SNX10: variants seen among roughly 807,000 people sequenced by gnomAD.
SNX10 encodes the protein sorting nexin 10, also known as sorting nexin-10.
In SNX10, 25 loss-of-function variants were observed where a neutral mutation model predicts 28.5. That is an observed-to-expected ratio of 0.88 (90% CI 0.64 to 1.22). The LOEUF (loss-of-function observed/expected upper bound fraction) is 1.22. Ranked by LOEUF, SNX10 falls within the 50% of genes most tolerant of loss-of-function variation. The pLI is 0.00. For synonymous variants in SNX10, 62 were observed against 81.4 expected (o/e 0.76, Z 1.28); for missense variants, 223 against 242.6 (o/e 0.92, Z 0.54).
chr7:26,365,592 T>C (rs1206878917), intron 5 of SNX10, among the ~76,000 whole-genome samples: 1 of 152,178 alleles, frequency 6.6e-6, no homozygotes, highest in African/African-American at 2.4e-5. Context: ...TTAACGCTGA[T>C]CTTTGAAGGG....
At chr7:26,323,905 C>CGAA (rs1433827169) in intron 1 of SNX10, among the ~76,000 whole-genome samples, 5 of 152,192 alleles carry the variant, frequency 3.3e-5, no homozygotes, top group Admixed American at 6.5e-5. Flanking sequence ...ATCAGTGCTC[C>CGAA]GTAAATAAGG....
chr7:26,332,817 T>G (rs1423010705), intron 1 of SNX10, among the ~76,000 whole-genome samples: 1 of 152,236 alleles, frequency 6.6e-6, no homozygotes, highest in Non-Finnish European at 1.5e-5. Flanking sequence ...GCACCATTTG[T>G]TGAAAGGATG....
intron 1 of SNX10, among the ~76,000 whole-genome samples, chr7:26,341,740 C>T (rs889262649): frequency 5.9e-5 from 9 of 152,156 alleles, no homozygotes; most frequent in African/African-American, 2.2e-4. Context: ...CTGCTTCAGC[C>T]TCCCAAAGTG....
intron 1 of SNX10, among the ~76,000 whole-genome samples, chr7:26,301,249 G>A (rs1379516145): frequency 6.6e-6 from 1 of 152,122 alleles, no homozygotes; most frequent in Non-Finnish European, 1.5e-5. Flanking sequence ...ATAGTTAAAT[G>A]TGTATATTCT....
chr7:26,354,850 A>G (rs1258429218), intron 2 of SNX10, among the ~76,000 whole-genome samples: 1 of 151,678 alleles, frequency 6.6e-6, no homozygotes, highest in Non-Finnish European at 1.5e-5. Context: ...CTTTTTCCTT[A>G]TGTGGATTGC....
intron 2 of SNX10, among the ~76,000 whole-genome samples, chr7:26,351,214 G>A (rs1788582232): frequency 6.6e-6 from 1 of 152,182 alleles, no homozygotes; most frequent in Non-Finnish European, 1.5e-5. Flanking sequence ...GAAAGAATTA[G>A]TAAACATAAA....
At chr7:26,357,654 C>T (rs1198304337) in intron 2 of SNX10, among the ~76,000 whole-genome samples, 1 of 152,098 alleles carries the variant, frequency 6.6e-6, no homozygotes, top group Non-Finnish European at 1.5e-5. Context: ...TAATGTTGGG[C>T]AAGAGGTCCT....
chr7:26,371,056 T>G (rs926718694), intron 5 of SNX10, among the ~76,000 whole-genome samples: 2 of 152,188 alleles, frequency 1.3e-5, no homozygotes, highest in East Asian at 1.9e-4. Context: ...GGATAGTTTT[T>G]AATCTTCCAT....
chr7:26,369,333 ATAT>A (rs963853823), intron 5 of SNX10, among the ~76,000 whole-genome samples: 2 of 152,200 alleles, frequency 1.3e-5, no homozygotes, highest in African/African-American at 4.8e-5. Flanking sequence ...ATAGTATTTA[ATAT>A]TATGATGGTG....
intron 1 of SNX10, among the ~76,000 whole-genome samples, chr7:26,329,801 G>A (rs1787664022): frequency 6.6e-6 from 1 of 152,190 alleles, no homozygotes; most frequent in Admixed American, 6.5e-5. Flanking sequence ...CTTCAGTGGT[G>A]GGCGGCACAG....
chr7:26,319,243 A>T lies in SNX10; in HGVS notation c.-24+27157A>T, dbSNP rs141074939. 2.0e-5 allele frequency among the ~76,000 whole-genome samples: 3 copies of T among 152,330 alleles called. No homozygotes were observed. In the East Asian group the frequency reaches 5.8e-4, roughly 29 times the overall value. Reference sequence around the variant, plus strand: ...TGTAGCAGTATCTTTCTAGGCTATTATCTCCTCCTTGAGGAACTCTGGTAT... The same window carrying T: ...TGTAGCAGTATCTTTCTAGGCTATTTTCTCCTCCTTGAGGAACTCTGGTAT... On this transcript the variant is annotated intron_variant, in intron 1 of 6. Coordinates refer to ENST00000338523, the MANE Select transcript of SNX10 (RefSeq NM_013322.3).
intron 1 of SNX10, among the ~76,000 whole-genome samples, chr7:26,295,589 C>T (rs1372002197): frequency 6.6e-6 from 1 of 152,230 alleles, no homozygotes; most frequent in East Asian, 1.9e-4. Flanking sequence ...AACTCAGGTT[C>T]CTGAACTTCC....
chr7:26,304,525 A>G (rs1786507559), intron 1 of SNX10, among the ~76,000 whole-genome samples: 1 of 152,126 alleles, frequency 6.6e-6, no homozygotes, highest in African/African-American at 2.4e-5. Flanking sequence ...TGGCAGGGCC[A>G]GGGGTGTGGG....
chr7:26,331,398 C>T (rs1208716650), intron 1 of SNX10, among the ~76,000 whole-genome samples: 2 of 152,188 alleles, frequency 1.3e-5, no homozygotes, highest in African/African-American at 4.8e-5. Context: ...CCAGTGTGGG[C>T]AACATGGTGA....
At chr7:26,296,416 C>T (rs1391374683) in intron 1 of SNX10, among the ~76,000 whole-genome samples, 1 of 151,178 alleles carries the variant, frequency 6.6e-6, no homozygotes, top group Admixed American at 6.6e-5. Flanking sequence ...CTTGGGAGGT[C>T]GAGGTAGGAG....
intron 1 of SNX10, among the ~76,000 whole-genome samples, chr7:26,311,022 A>T (rs1262118933): frequency 6.6e-6 from 1 of 152,098 alleles, no homozygotes; most frequent in Non-Finnish European, 1.5e-5. Context: ...CTGTGAAAAG[A>T]CACCTGGAGT....
intron 1 of SNX10, among the ~76,000 whole-genome samples, chr7:26,319,013 T>C (rs1487547380): frequency 2.0e-5 from 3 of 152,220 alleles, no homozygotes; most frequent in African/African-American, 7.2e-5. Context: ...ACTCCAAACC[T>C]GAACTCTAAA....
At chr7:26,342,848 C>G (rs895110054) in intron 1 of SNX10, among the ~76,000 whole-genome samples, 2 of 152,088 alleles carry the variant, frequency 1.3e-5, no homozygotes, top group African/African-American at 4.8e-5. Flanking sequence ...TCACTGTAAC[C>G]CAGGCTGGAG....
At chr7:26,295,919 C>A (rs757398017) in intron 1 of SNX10, among the ~76,000 whole-genome samples, 1 of 152,204 alleles carries the variant, frequency 6.6e-6, no homozygotes, top group Non-Finnish European at 1.5e-5. Flanking sequence ...GCCATTCAGA[C>A]CTCTTGGTAG....
Sources: gnomAD v4.1 joint callset for allele counts (sites outside exome capture counted in the v4.1 genomes callset) on GRCh38, gnomAD v4.1.1 for gene constraint, MANE v1.5 for transcripts, NCBI Gene and HGNC (gene_info 2026-07-23, HGNC 2026-07-21) for gene names.